Variants in NCALD observed in about 807,000 individuals in gnomAD.
NCALD encodes neurocalcin delta, also known as neurocalcin-delta.
In NCALD, 10 loss-of-function variants were observed where a neutral mutation model predicts 18.6. That is an observed-to-expected ratio of 0.54 (90% CI 0.33 to 0.91). The LOEUF is 0.91. NCALD is among the 40% of genes least tolerant of loss of function. The pLI, the probability that NCALD is intolerant of heterozygous loss-of-function variation, is 0.03. For missense variants in NCALD, 184 were observed against 247.6 expected, an observed-to-expected ratio of 0.74 and a Z score of 1.72; for synonymous variants, 88 against 87.4, an observed-to-expected ratio of 1.01 and a Z score of -0.04.
intron 4 of NCALD, among the ~76,000 whole-genome samples, chr8:101,881,825 T>C (rs187259708): frequency 5.3e-5 from 8 of 152,320 alleles, no homozygotes; most frequent in Non-Finnish European, 1.0e-4. Flanking sequence ...TTTCATAATA[T>C]CATCTTCAAT....
chr8:101,872,429 G>A (rs1429259283), intron 4 of NCALD: 5 of 1,164,040 alleles, frequency 4.3e-6, no homozygotes, highest in Non-Finnish European at 6.5e-6. Flanking sequence ...ACTGACTGCT[G>A]AAGGATGTGC....
At chr8:101,693,195 G>GGCT (rs1814815492) in intron 2 of NCALD, 4 of 298,934 alleles carry the variant, frequency 1.3e-5, no homozygotes, top group Admixed American at 9.0e-5. Context: ...CTGTCACCCA[G>GGCT]GCTGGAGTGT....
chr8:102,075,270 C>A (rs1824306564), intron 1 of NCALD, among the ~76,000 whole-genome samples: 1 of 152,118 alleles, frequency 6.6e-6, no homozygotes, highest in South Asian at 2.1e-4. Flanking sequence ...AAATTTTTCC[C>A]TATGTGTCCA....
chr8:101,857,058 C>T (rs1175829960), intron 4 of NCALD, among the ~76,000 whole-genome samples: 2 of 152,214 alleles, frequency 1.3e-5, no homozygotes, highest in Admixed American at 1.3e-4. Context: ...TACCTCTAAT[C>T]CCAAGTGTCC....
chr8:102,004,879 T>C (rs1205503315), intron 2 of NCALD, among the ~76,000 whole-genome samples: 3 of 152,034 alleles, frequency 2.0e-5, no homozygotes, highest in Non-Finnish European at 4.4e-5. Context: ...AAAAATCAAT[T>C]CAAGATGGAT....
At chr8:101,711,459 TAAC>T (rs1292172112) in intron 2 of NCALD, among the ~76,000 whole-genome samples, 5 of 151,864 alleles carry the variant, frequency 3.3e-5, no homozygotes, top group African/African-American at 1.2e-4. Flanking sequence ...AGGTGGGTAA[TAAC>T]AAACTCTTCC....
chr8:102,049,845 A>G (rs1457039896), intron 1 of NCALD, among the ~76,000 whole-genome samples: 1 of 151,846 alleles, frequency 6.6e-6, no homozygotes, highest in Non-Finnish European at 1.5e-5. Context: ...ATCTTTTCAG[A>G]CCTCTTGCCC....
chr8:101,999,373 C>T (rs1821360941), intron 2 of NCALD, among the ~76,000 whole-genome samples: 1 of 152,050 alleles, frequency 6.6e-6, no homozygotes, highest in African/African-American at 2.4e-5. Flanking sequence ...TTCACAGCAA[C>T]CTGGATGGAA....
intron 1 of NCALD, among the ~76,000 whole-genome samples, chr8:101,740,760 G>A (rs1303920597): frequency 6.6e-6 from 1 of 152,180 alleles, no homozygotes; most frequent in Non-Finnish European, 1.5e-5. Context: ...GACAGGTTCT[G>A]TGTGCCAGTA....
intron 2 of NCALD, among the ~76,000 whole-genome samples, chr8:101,925,204 T>A (rs1818293233): frequency 6.6e-6 from 1 of 152,190 alleles, no homozygotes. Context: ...CTTCTGTCCA[T>A]GTCACCTGCG....
chr8:101,704,951 C>T (rs1037106108), intron 2 of NCALD, among the ~76,000 whole-genome samples: 3 of 151,368 alleles, frequency 2.0e-5, no homozygotes, highest in Non-Finnish European at 2.9e-5. Flanking sequence ...ATAGGCCGGG[C>T]GCGGTGGCTC....
chr8:101,896,035 A>C (rs1817153001), intron 3 of NCALD, among the ~76,000 whole-genome samples: 1 of 151,210 alleles, frequency 6.6e-6, no homozygotes, highest in Non-Finnish European at 1.5e-5. Context: ...ATATGGAACC[A>C]AAAAAGAGCC....
intron 3 of NCALD, among the ~76,000 whole-genome samples, chr8:101,909,969 C>T (rs1462620569): frequency 6.6e-6 from 1 of 152,142 alleles, no homozygotes; most frequent in African/African-American, 2.4e-5. Flanking sequence ...CCACTATTGC[C>T]TATCATGGTG....
intron 2 of NCALD, among the ~76,000 whole-genome samples, chr8:101,715,210 C>T (rs1036370144): frequency 7.2e-5 from 11 of 152,062 alleles, no homozygotes; most frequent in Non-Finnish European, 2.9e-5. Context: ...ACAAACCTCA[C>T]AAAAACAAGA....
intron 1 of NCALD, among the ~76,000 whole-genome samples, chr8:102,109,784 TA>T (rs1260392407): frequency 6.6e-6 from 1 of 152,116 alleles, no homozygotes; most frequent in African/African-American, 2.4e-5. Flanking sequence ...TGTGCACACA[TA>T]AATACAAGAT....
At chr8:102,003,434 C>T (rs1201956785) in intron 2 of NCALD, among the ~76,000 whole-genome samples, 18 of 152,140 alleles carry the variant, frequency 1.2e-4, no homozygotes, top group Non-Finnish European at 2.6e-4. Context: ...GATTCACAGC[C>T]GAATTCTACC....
intron 1 of NCALD, among the ~76,000 whole-genome samples, chr8:101,770,023 T>C (rs1185175271): frequency 2.6e-5 from 4 of 152,158 alleles, no homozygotes; most frequent in Non-Finnish European, 5.9e-5. Context: ...GTTCTTGGCA[T>C]TGAGCATAAA....
At chr8:101,757,019 T>G (rs1810911417) in intron 1 of NCALD, among the ~76,000 whole-genome samples, 1 of 152,190 alleles carries the variant, frequency 6.6e-6, no homozygotes, top group African/African-American at 2.4e-5. Context: ...TCTTTAAGAT[T>G]TATTATTCTT....
At chr8:101,936,393 C>T (rs958072154) in intron 2 of NCALD, among the ~76,000 whole-genome samples, 1 of 152,040 alleles carries the variant, frequency 6.6e-6, no homozygotes, top group South Asian at 2.1e-4. Flanking sequence ...AGAATGGAAC[C>T]ATGAAGAGAA....
Sources: allele counts gnomAD v4.1 joint callset (sites outside exome capture counted in the v4.1 genomes callset), GRCh38; gene constraint gnomAD v4.1.1; transcripts MANE v1.5; gene names NCBI Gene and HGNC (gene_info 2026-07-23, HGNC 2026-07-21).